The following TMEM108 variants were observed in gnomAD, a reference collection of about 807,000 sequenced individuals.
The protein encoded by TMEM108 is transmembrane protein 108.
A neutral mutation model predicts 35.1 loss-of-function variants in TMEM108; 12 were observed. The observed-to-expected ratio is 0.34, with a 90% CI of 0.22 to 0.55. The LOEUF (loss-of-function observed/expected upper bound fraction) is 0.55. Ranked by LOEUF, TMEM108 falls within the 20% of genes least tolerant of loss-of-function variation. The pLI, the probability that TMEM108 is intolerant of heterozygous loss-of-function variation, is 0.89. For missense variants in TMEM108, 680 were observed against 753.3 expected (o/e 0.90, Z 1.14); for synonymous variants, 287 against 308.6 (o/e 0.93, Z 0.73).
intron 1 of TMEM108, among the ~76,000 whole-genome samples, chr3:133,042,098 T>A (rs1290236376): frequency 6.6e-6 from 1 of 152,222 alleles, no homozygotes; most frequent in African/African-American, 2.4e-5. Context: ...TCAGGGTTAA[T>A]TCATCCATCC....
intron 2 of TMEM108, among the ~76,000 whole-genome samples, chr3:133,158,485 A>AG (rs1944914078): frequency 6.6e-6 from 1 of 151,550 alleles, no homozygotes; most frequent in Non-Finnish European, 1.5e-5. Context: ...AAAAAAAAAA[A>AG]AAAAGAAAAG....
intron 3 of TMEM108, among the ~76,000 whole-genome samples, chr3:133,256,508 A>G (rs2107672328): frequency 6.6e-6 from 1 of 152,350 alleles, no homozygotes; most frequent in East Asian, 1.9e-4. Flanking sequence ...TAAATATACT[A>G]GACAATAATA....
chr3:133,219,609 GGC>G (rs1945958213), intron 2 of TMEM108, among the ~76,000 whole-genome samples: 2 of 151,744 alleles, frequency 1.3e-5, no homozygotes, highest in Non-Finnish European at 2.9e-5. Flanking sequence ...GTTGCTCAGG[GGC>G]ATGTTGTTTA....
rs547809779 is a variant in TMEM108, at chr3:133,139,711, T to C, written c.-46-89555T>C. ...AGTTCTTTCCTTCCCTGGATTTTCT[T>C]ATTAAATTTCTGGCTGCTCTGCCAT... On this transcript the variant is annotated intron_variant, in intron 2 of 5. Transcript: ENST00000321871. Among the ~76,000 whole-genome samples the C allele has an allele frequency of 2.6e-4, 40 of 152,328 alleles. No individual in the cohort carries two copies. The South Asian group carries it at 6.8e-3, about 26-fold the overall frequency.
At chr3:133,073,510 C>CTCTATATATATATATATA in intron 2 of TMEM108, among the ~76,000 whole-genome samples, 16 of 43,896 alleles carry the variant, frequency 3.6e-4, no homozygotes, top group Non-Finnish European at 5.0e-4. Flanking sequence ...CTCTCTCTCT[C>CTCTATATATATATATATA]TATATATATA....
intron 2 of TMEM108, among the ~76,000 whole-genome samples, chr3:133,148,693 T>TA (rs568623616): frequency 4.2e-4 from 63 of 150,236 alleles, no homozygotes; most frequent in Non-Finnish European, 5.3e-4. Flanking sequence ...CAGTAAGGTT[T>TA]AAAAAAAAAA....
intron 2 of TMEM108, among the ~76,000 whole-genome samples, chr3:133,226,163 G>GT (rs1339983835): frequency 6.6e-6 from 1 of 152,226 alleles, no homozygotes; most frequent in Non-Finnish European, 1.5e-5. Flanking sequence ...ATAGAAAGGA[G>GT]TGTCTGGGTT....
At chr3:133,333,860 G>T (rs1283053339) in intron 3 of TMEM108, among the ~76,000 whole-genome samples, 1 of 152,204 alleles carries the variant, frequency 6.6e-6, no homozygotes, top group Non-Finnish European at 1.5e-5. Context: ...GGGACATTCT[G>T]AAAGAACTCC....
intron 3 of TMEM108, among the ~76,000 whole-genome samples, chr3:133,250,755 T>C (rs1946456952): frequency 6.6e-6 from 1 of 152,214 alleles, no homozygotes; most frequent in Non-Finnish European, 1.5e-5. Context: ...ATTTCTGTTC[T>C]GATATGGAAA....
chr3:133,128,284 T>A (rs1329192704), intron 2 of TMEM108, among the ~76,000 whole-genome samples: 1 of 152,198 alleles, frequency 6.6e-6, no homozygotes, highest in African/African-American at 2.4e-5. Flanking sequence ...CTTACATTGC[T>A]TTTTCAGGTC....
At chr3:133,324,854 C>T (rs1002632714) in intron 3 of TMEM108, among the ~76,000 whole-genome samples, 16 of 152,050 alleles carry the variant, frequency 1.1e-4, no homozygotes, top group Non-Finnish European at 2.1e-4. Flanking sequence ...CGGGCACCTG[C>T]GATCCCAGCT....
chr3:133,306,698 C>T (rs997154726), intron 3 of TMEM108, among the ~76,000 whole-genome samples: 1 of 152,146 alleles, frequency 6.6e-6, no homozygotes, highest in African/African-American at 2.4e-5. Context: ...GACATGAACT[C>T]ATCCTTTTTT....
intron 2 of TMEM108, among the ~76,000 whole-genome samples, chr3:133,065,380 A>G (rs1341764674): frequency 1.3e-5 from 2 of 152,110 alleles, no homozygotes; most frequent in African/African-American, 2.4e-5. Flanking sequence ...ACAGTTTTCC[A>G]TTACAGAAGA....
At chr3:133,265,616 G>C (rs12630350) in intron 3 of TMEM108, among the ~76,000 whole-genome samples, 24,731 of 152,066 alleles carry the variant, frequency 0.16, 2,424 homozygotes, top group East Asian at 0.38. Flanking sequence ...AAAATCCCAA[G>C]TTTGGACTTC....
At position 133,080,408 on chromosome 3, in the gene TMEM108, T is replaced by A. The variant is rs118160555; in HGVS notation, c.-47+34388T>A. On this transcript the variant is annotated intron_variant, in intron 2 of 5. Coordinates refer to ENST00000321871, the MANE Select transcript of TMEM108 (RefSeq NM_023943.4). ...GCAGAAACTAAGCCACTCATTTACA[T>A]CTTCACCATATTTTTTGCATGTAAG... Among the ~76,000 whole-genome samples the A allele has an allele frequency of 1.1e-3, 175 of 152,342 alleles. 3 individuals are homozygous for A. The East Asian group carries it at 0.03, about 26-fold the overall frequency.
intron 3 of TMEM108, among the ~76,000 whole-genome samples, chr3:133,376,636 A>T (rs1284035144): frequency 6.6e-6 from 1 of 152,158 alleles, no homozygotes; most frequent in African/African-American, 2.4e-5. Flanking sequence ...CTTTTCAGGC[A>T]GACAATTTGA....
intron 3 of TMEM108, among the ~76,000 whole-genome samples, chr3:133,319,636 G>A (rs1336123877): frequency 6.6e-6 from 1 of 152,102 alleles, no homozygotes; most frequent in Non-Finnish European, 1.5e-5. Flanking sequence ...TCACTCCCCT[G>A]CCACCTCCAC....
chr3:133,175,051 C>T (rs143619783), intron 2 of TMEM108, among the ~76,000 whole-genome samples: 12,494 of 152,024 alleles, frequency 0.082, 539 homozygotes, highest in African/African-American at 0.099. Context: ...GTAACCGATG[C>T]GATCAACTGG....
intron 1 of TMEM108, among the ~76,000 whole-genome samples, chr3:133,038,979 C>CG (rs1448332536): frequency 3.9e-5 from 6 of 152,192 alleles, no homozygotes; most frequent in African/African-American, 1.4e-4. Context: ...ACGGAGCCTC[C>CG]GTGCTGCCCG....
Sources: gnomAD v4.1 joint callset for allele counts (sites outside exome capture counted in the v4.1 genomes callset) on GRCh38, gnomAD v4.1.1 for gene constraint, MANE v1.5 for transcripts, NCBI Gene and HGNC (gene_info 2026-07-23, HGNC 2026-07-21) for gene names.